Variants in LBH observed in about 807,000 individuals in gnomAD.
LBH encodes protein LBH.
LBH carries 7 observed loss-of-function variants against 12.5 expected under a neutral mutation model. The ratio of observed to expected loss-of-function variants is 0.56; its 90% confidence interval spans 0.32 to 1.05. The LOEUF (loss-of-function observed/expected upper bound fraction) is 1.05. LBH is among the 50% of genes least tolerant of loss of function. The pLI is 0.04. For synonymous variants in LBH, 51 were observed against 50.1 expected (o/e 1.02, Z -0.08); for missense variants, 119 against 138.9 (o/e 0.86, Z 0.72).
intron 2 of LBH, among the ~76,000 whole-genome samples, chr2:30,248,364 G>A (rs982238372): frequency 1.3e-5 from 2 of 152,218 alleles, no homozygotes; most frequent in African/African-American, 2.4e-5. Flanking sequence ...CTGCAAGGAA[G>A]GCCTTCGAGA....
chr2:30,257,480 C>G lies in LBH; in HGVS notation c.177C>G (p.Asp59Glu), dbSNP rs779652699. 8 of 1,614,178 alleles carry G rather than the reference C, an allele frequency of 5.0e-6. No individual in the cohort carries two copies. The East Asian group carries it at 1.8e-4, about 36-fold the overall frequency. The change falls in exon 3 of 3, where the codon GAC becomes GAG. Residue 59 changes from aspartate to glutamate, a missense_variant. Coordinates refer to ENST00000395323, the MANE Select transcript of LBH (RefSeq NM_030915.4). ...SDFDRCCKLK[D>E]RLPSIVVEPT... ...TTGACCGCTGCTGCAAACTGAAGGA[C>G]CGTCTGCCCTCCATAGTGGTGGAAC...
chr2:30,258,780 T>C lies in LBH; in HGVS notation c.*1159T>C, dbSNP rs1429411957. 6.6e-6 allele frequency: 1 copy of C among 152,300 alleles called. No individual in the cohort carries two copies. Among genetic ancestry groups the C allele is most frequent in the Non-Finnish European group, 1.5e-5 (1 of 68,090 alleles). 9.4% of individuals were successfully genotyped at this position (152,300 alleles called of 1,614,324 possible). On this transcript the variant is annotated 3_prime_UTR_variant, in exon 3 of 3. Transcript: ENST00000395323. The stretch of plus-strand genomic sequence containing the variant: ...GTGACTTGCATGGTGGGGACAAGGC[T>C]GTCGTGGCAACCTTGGGATCGAGTT...
chr2:30,257,336 C>T (rs1024302099), intron 2 of LBH, 97 bp from the exon 3 acceptor site: 11 of 1,347,930 alleles, frequency 8.2e-6, no homozygotes, highest in Admixed American at 5.2e-5. Flanking sequence ...TGGCCTATGG[C>T]ATGCACCCAG....
chr2:30,245,866 T>A (rs1017187561), intron 2 of LBH, among the ~76,000 whole-genome samples: 1 of 152,082 alleles, frequency 6.6e-6, no homozygotes. Flanking sequence ...TCCCTACCTA[T>A]CAGCCTTTCA....
chr2:30,239,600 C>T (rs571079889), intron 2 of LBH, among the ~76,000 whole-genome samples: 5 of 152,194 alleles, frequency 3.3e-5, no homozygotes, highest in Non-Finnish European at 5.9e-5. Flanking sequence ...AGGAGGCATC[C>T]AGCCGCGGAC....
At chr2:30,243,792 T>C (rs1306673951) in intron 2 of LBH, among the ~76,000 whole-genome samples, 1 of 151,948 alleles carries the variant, frequency 6.6e-6, no homozygotes, top group Non-Finnish European at 1.5e-5. Context: ...GCCTCCCAAA[T>C]TGCTGGGATT....
intron 2 of LBH, among the ~76,000 whole-genome samples, chr2:30,250,924 G>A (rs1572382822): frequency 1.3e-5 from 2 of 151,730 alleles, no homozygotes; most frequent in Admixed American, 6.6e-5. Context: ...GCAGCCACTC[G>A]CCACACAGGG....
chr2:30,245,495 A>T (rs962855499), intron 2 of LBH, among the ~76,000 whole-genome samples: 1 of 152,162 alleles, frequency 6.6e-6, no homozygotes, highest in Admixed American at 6.5e-5. Flanking sequence ...CTCAGAGGGG[A>T]GGGCAGCTTT....
In LBH at chr2:30,234,414, T is replaced by TCTGAGATC. The variant is rs754725900; in HGVS notation, c.37_44dup (p.Ala16Ter). On this transcript the variant is annotated frameshift_variant, in exon 2 of 3. Transcript: ENST00000395323. LOFTEE classifies it high-confidence loss of function. The stretch of plus-strand genomic sequence containing the variant: ...CTGGGTTTCTTGGCAGCCCCGACTA[T>TCTGAGATC]CTGAGATCGGCCAAGATGACTGAGG... 16 of 1,614,054 alleles carry TCTGAGATC rather than the reference T, an allele frequency of 9.9e-6. No individual in the cohort carries two copies. In the East Asian group the frequency reaches 3.6e-4, roughly 36 times the overall value.
intron 2 of LBH, among the ~76,000 whole-genome samples, chr2:30,235,788 T>C (rs1370080483): frequency 6.6e-6 from 1 of 151,966 alleles, no homozygotes; most frequent in Non-Finnish European, 1.5e-5. Flanking sequence ...TCAGGCAGGG[T>C]CACTTAACTT....
At chr2:30,251,995 C>T (rs1425357308) in intron 2 of LBH, among the ~76,000 whole-genome samples, 1 of 152,110 alleles carries the variant, frequency 6.6e-6, no homozygotes, top group Non-Finnish European at 1.5e-5. Flanking sequence ...AATGCAAGAC[C>T]TGGGAGATTC....
chr2:30,247,421 A>G (rs1325821758), intron 2 of LBH, among the ~76,000 whole-genome samples: 1 of 152,204 alleles, frequency 6.6e-6, no homozygotes, highest in African/African-American at 2.4e-5. Flanking sequence ...TCAAAATTCT[A>G]ATTTTCACTT....
chr2:30,250,802 G>A (rs1159200020), intron 2 of LBH, among the ~76,000 whole-genome samples: 1 of 151,664 alleles, frequency 6.6e-6, no homozygotes, highest in Non-Finnish European at 1.5e-5. Context: ...TCAGGCCCAG[G>A]ATTCTCTGGT....
chr2:30,248,870 A>G (rs538573129), intron 2 of LBH, among the ~76,000 whole-genome samples: 2 of 152,316 alleles, frequency 1.3e-5, no homozygotes, highest in East Asian at 3.9e-4. Flanking sequence ...TGTTTATCCA[A>G]AGGATTTCCT....
intron 2 of LBH, among the ~76,000 whole-genome samples, chr2:30,242,726 A>G (rs563589154): frequency 9.2e-5 from 14 of 152,220 alleles, no homozygotes; most frequent in Non-Finnish European, 2.1e-4. Context: ...TTCACTTAAT[A>G]TAATATCGTG....
chr2:30,234,367 C>G (rs748905573), intron 1 of LBH, 38 bp from the exon 2 acceptor site: 1 of 1,479,876 alleles, frequency 6.8e-7, no homozygotes, highest in Non-Finnish European at 9.5e-7. Context: ...TGTGAAAGCG[C>G]GTGTGTTTGT....
intron 2 of LBH, among the ~76,000 whole-genome samples, chr2:30,242,312 C>T (rs532225357): frequency 5.9e-5 from 9 of 152,026 alleles, no homozygotes; most frequent in Admixed American, 2.0e-4. Context: ...GGTGCAATCT[C>T]GGCTCACTGC....
chr2:30,243,685 A>G (rs1276805038), intron 2 of LBH, among the ~76,000 whole-genome samples: 2 of 151,970 alleles, frequency 1.3e-5, no homozygotes, highest in African/African-American at 4.8e-5. Context: ...CACCCACTAC[A>G]TGCCCAGCTA....
At chr2:30,254,449 T>C (rs1490688771) in intron 2 of LBH, among the ~76,000 whole-genome samples, 1 of 152,196 alleles carries the variant, frequency 6.6e-6, no homozygotes, top group Non-Finnish European at 1.5e-5. Flanking sequence ...ACTAGAATTA[T>C]TGTGAGGTTT....
Sources: allele counts gnomAD v4.1 joint callset (sites outside exome capture counted in the v4.1 genomes callset), GRCh38; gene constraint gnomAD v4.1.1; transcripts MANE v1.5; gene names NCBI Gene and HGNC (gene_info 2026-07-23, HGNC 2026-07-21).